FASTKD1: variants seen among roughly 807,000 people sequenced by gnomAD.
FASTKD1 encodes FAST kinase domain-containing protein 1, mitochondrial.
Under a neutral mutation model 90.9 loss-of-function variants are expected in FASTKD1, and 94 were observed. The ratio of observed to expected loss-of-function variants is 1.03; its 90% CI spans 0.88 to 1.23. The LOEUF (loss-of-function observed/expected upper bound fraction) is 1.23, where lower values mean the gene tolerates loss of function less well. Among genes scored for constraint, FASTKD1 ranks in the 50% most tolerant of loss-of-function variants. The pLI is 0.00. For missense variants in FASTKD1, 945 were observed against 993.5 expected (o/e 0.95, Z 0.66); for synonymous variants, 319 against 345.8 (o/e 0.92, Z 0.86).
chr2:169,558,859 G>C (rs978834594), intron 5 of FASTKD1, among the ~76,000 whole-genome samples: 10 of 152,144 alleles, frequency 6.6e-5, no homozygotes, highest in African/African-American at 2.4e-4. Flanking sequence ...AAAGTGCTGA[G>C]ATTACAGGTG....
chr2:169,561,010 G>C (rs1683572844), intron 4 of FASTKD1, among the ~76,000 whole-genome samples: 1 of 149,044 alleles, frequency 6.7e-6, no homozygotes, highest in Non-Finnish European at 1.5e-5. Context: ...TTAAAAAAAA[G>C]GCAAGGGGCT....
At position 169,551,330 on chromosome 2, in the gene FASTKD1, T is replaced by C. The variant is rs576765714; in HGVS notation, c.1214+3794A>G. On this transcript the variant is annotated intron_variant, in intron 7 of 14. Transcript: ENST00000453153. ...TGTTCACTAAAAAATATACATGAAT[T>C]TGTTCATAAACAGTACTGCTGATAA... Among the ~76,000 whole-genome samples the C allele has an allele frequency of 2.6e-5, 4 of 152,272 alleles. No homozygotes were observed. The South Asian group carries it at 8.3e-4, about 32-fold the overall frequency.
chr2:169,531,481 C>T lies in FASTKD1; in HGVS notation c.2198G>A (p.Cys733Tyr), dbSNP rs752543615. The T allele has an allele frequency of 2.2e-5, 35 of 1,602,304 alleles. No individual in the cohort carries two copies. The highest frequency in any genetic ancestry group is 2.5e-5 in the Non-Finnish European group (30 of 1,176,636). The change falls in exon 13 of 15, where the codon TGT (cysteine) becomes TAT (tyrosine). Residue 733 changes from cysteine to tyrosine, a missense_variant. Physicochemically the swap from Cys to Tyr is radical, Grantham distance 194. Coordinates refer to ENST00000453153, the MANE Select transcript of FASTKD1 (RefSeq NM_024622.6). The part of the protein sequence containing the change: ...TPYYHKVDFE[C>Y]ILDKRKKPLP... ...AGGTTTTTTTCTTTTATCCAAGATA[C>T]ACTCAAAATCTTAAGGAAGCATAGA...
At chr2:169,561,892 T>C (rs911071769) in intron 4 of FASTKD1, among the ~76,000 whole-genome samples, 1 of 137,122 alleles carries the variant, frequency 7.3e-6, no homozygotes, top group Non-Finnish European at 1.5e-5. Context: ...TTGTAAATTA[T>C]TTATTATAAA....
rs375477670 is a variant in FASTKD1 at position 169,531,528 on chromosome 2, A to G, written c.2189-38T>C. 5.6e-5 allele frequency: 85 copies of G among 1,521,524 alleles called. No homozygotes were observed. The African/African-American group carries it at 9.2e-4, about 16-fold the overall frequency. 94.3% of individuals were successfully genotyped at this position (1,521,524 alleles called of 1,614,324 possible). On this transcript the variant is annotated intron_variant, in intron 12 of 14. Coordinates refer to ENST00000453153, the MANE Select transcript of FASTKD1 (RefSeq NM_024622.6). ...TAGAAACTGGTAGTATGAATTAGGTAAAGTCTTACAGATAAAAGTTTAAGA... is the reference window on the plus strand; with the variant it reads ...TAGAAACTGGTAGTATGAATTAGGTGAAGTCTTACAGATAAAAGTTTAAGA...
At chr2:169,558,643 G>T (rs1323353766) in intron 5 of FASTKD1, among the ~76,000 whole-genome samples, 1 of 151,922 alleles carries the variant, frequency 6.6e-6, no homozygotes, top group South Asian at 2.1e-4. Context: ...TAGAAACGGG[G>T]TTTCACCATG....
chr2:169,537,208 A>T lies in FASTKD1; in HGVS notation c.2188+19T>A. On this transcript the variant is annotated intron_variant, in intron 12 of 14. Transcript: ENST00000453153. The stretch of plus-strand genomic sequence containing the variant: ...GTTTGATTTTCTGAAAGTAACTAAT[A>T]ACCTACCCAATAACTTACCTACTTT... 1.5e-6 allele frequency: 2 copies of T among 1,364,886 alleles called. No individual in the cohort carries two copies. The highest frequency in any genetic ancestry group is 2.1e-6 in the Non-Finnish European group (2 of 954,926). The allele number at this position is 1,364,886 out of a possible 1,614,324, so 84.5% of individuals were successfully genotyped here.
chr2:169,540,941 C>A (rs988347478), intron 9 of FASTKD1, among the ~76,000 whole-genome samples: 1 of 152,198 alleles, frequency 6.6e-6, no homozygotes, highest in Non-Finnish European at 1.5e-5. Flanking sequence ...CAACTATTTA[C>A]CTGATTTGCC....
At chr2:169,565,907 T>C (rs1431927069) in intron 3 of FASTKD1, among the ~76,000 whole-genome samples, 1 of 152,238 alleles carries the variant, frequency 6.6e-6, no homozygotes, top group Non-Finnish European at 1.5e-5. Context: ...TGATGTCTCA[T>C]TGTAGTTTTG....
intron 4 of FASTKD1, 125 bp downstream of exon 4, chr2:169,563,100 T>C: frequency 1.2e-6 from 1 of 852,102 alleles, no homozygotes; most frequent in South Asian, 1.6e-5. Flanking sequence ...CAGATGAGGA[T>C]AACGAACTTC....
intron 12 of FASTKD1, among the ~76,000 whole-genome samples, chr2:169,534,738 C>T (rs1207223724): frequency 6.6e-6 from 1 of 152,028 alleles, no homozygotes; most frequent in Non-Finnish European, 1.5e-5. Flanking sequence ...GGATTACAGG[C>T]GTGTGCCACT....
intron 7 of FASTKD1, among the ~76,000 whole-genome samples, chr2:169,547,990 C>T (rs971532405): frequency 9.8e-5 from 13 of 132,498 alleles, no homozygotes; most frequent in Non-Finnish European, 1.9e-4. Context: ...TGATGCCCTC[C>T]GTCTCAAAAA....
chr2:169,564,476 G>T (rs568525643), intron 3 of FASTKD1, among the ~76,000 whole-genome samples: 227 of 151,938 alleles, frequency 1.5e-3, no homozygotes, highest in Non-Finnish European at 2.4e-3. Context: ...TATTTATGGG[G>T]TACATGAGAT....
At position 169,531,472 on chromosome 2, in the gene FASTKD1, T is replaced by A; in HGVS notation, c.2207A>T (p.Asp736Val). ...ATACGGAAGAGGTTTTTTTCTTTTATCCAAGATACACTCAAAATCTTAAGG... is the reference window on the plus strand; with the variant it reads ...ATACGGAAGAGGTTTTTTTCTTTTAACCAAGATACACTCAAAATCTTAAGG... ...YHKVDFECILDKRKKPLPYGS... is the reference protein window; with the variant it reads ...YHKVDFECILVKRKKPLPYGS... Residue 736 changes from aspartate (D) to valine (V), a missense_variant, in exon 13 of 15, where the codon GAT (aspartate) becomes GTT (valine). Physicochemically the swap from Asp to Val is radical, Grantham distance 152. Coordinates refer to ENST00000453153, the MANE Select transcript of FASTKD1 (RefSeq NM_024622.6). 1 of 1,607,230 alleles carries A rather than the reference T, an allele frequency of 6.2e-7. No individual in the cohort carries two copies. Among genetic ancestry groups the A allele is most frequent in the Non-Finnish European group, 8.5e-7 (1 of 1,178,172 alleles).
chr2:169,552,426 T>C (rs749313091), intron 7 of FASTKD1, among the ~76,000 whole-genome samples: 8 of 152,182 alleles, frequency 5.3e-5, no homozygotes, highest in Non-Finnish European at 7.4e-5. Context: ...CTGCAATGTA[T>C]GTTTACAGCA....
At chr2:169,544,619 G>A (rs1259811250) in intron 9 of FASTKD1, 102 bp downstream of exon 9, 1 of 685,818 alleles carries the variant, frequency 1.5e-6, no homozygotes, top group African/African-American at 1.9e-5. Context: ...GATAATTCAT[G>A]TCTATTATGG....
chr2:169,557,140 C>G, intron 6 of FASTKD1, 47 bp downstream of exon 6: 1 of 1,214,080 alleles, frequency 8.2e-7, no homozygotes. Context: ...AAAATAGGTG[C>G]TTGTGAATGA....
At chr2:169,564,189 G>C (rs1037565130) in intron 3 of FASTKD1, among the ~76,000 whole-genome samples, 2 of 152,112 alleles carry the variant, frequency 1.3e-5, no homozygotes, top group Admixed American at 6.5e-5. Flanking sequence ...AAAAATTTAA[G>C]AGACACAGTA....
At chr2:169,548,376 C>A (rs1159369409) in intron 7 of FASTKD1, among the ~76,000 whole-genome samples, 1 of 150,268 alleles carries the variant, frequency 6.7e-6, no homozygotes. Flanking sequence ...TACTTCATTC[C>A]GAAATCCCCA....
Sources: gnomAD v4.1 joint callset for allele counts (sites outside exome capture counted in the v4.1 genomes callset) on GRCh38, gnomAD v4.1.1 for gene constraint, MANE v1.5 for transcripts, NCBI Gene and HGNC (gene_info 2026-07-23, HGNC 2026-07-21) for gene names.